The following WDR72 variants were observed in gnomAD, a reference collection of about 807,000 sequenced individuals.
The protein encoded by WDR72 is WD repeat-containing protein 72.
In WDR72, 120 loss-of-function variants were observed where a neutral mutation model predicts 124.2. The observed-to-expected ratio is 0.97, with a 90% CI of 0.83 to 1.12. The LOEUF is 1.12. WDR72 is among the 50% of genes most tolerant of loss of function. The pLI is 0.00. For synonymous variants in WDR72, 452 were observed against 441.7 expected (o/e 1.02, Z -0.29); for missense variants, 1,387 against 1,278.8 (o/e 1.08, Z -1.29).
chr15:53,532,186 C>T (rs557177286), intron 18 of WDR72, among the ~76,000 whole-genome samples: 3 of 152,074 alleles, frequency 2.0e-5, no homozygotes, highest in African/African-American at 7.2e-5. Context: ...CCTCATACAC[C>T]GCTGGTGGGA....
chr15:53,703,620 A>G (rs528750841), intron 11 of WDR72, among the ~76,000 whole-genome samples: 2 of 152,158 alleles, frequency 1.3e-5, no homozygotes, highest in African/African-American at 4.8e-5. Flanking sequence ...CTTGGTAGGC[A>G]TATGGGCATT....
At position 53,558,436 on chromosome 15, in the gene WDR72, T is replaced by C. The variant is rs1894006822; in HGVS notation, c.3149-35114A>G. On this transcript the variant is annotated intron_variant, in intron 18 of 19. Transcript: ENST00000360509. ...AATTCTGAAAAATGTGCTCTAAAGT[T>C]AATACTATGTATCACATTAGACAAT... is the stretch of plus-strand genomic sequence containing the variant. Among the ~76,000 whole-genome samples the C allele has an allele frequency of 2.6e-5, 4 of 152,146 alleles. 1 individual carries two copies. In the South Asian group the frequency reaches 8.3e-4, roughly 31 times the overall value.
intron 18 of WDR72, among the ~76,000 whole-genome samples, chr15:53,582,580 C>T (rs1220524383): frequency 4.6e-5 from 7 of 151,454 alleles, no homozygotes; most frequent in Non-Finnish European, 7.4e-5. Flanking sequence ...AATACCTGAC[C>T]GCTAATTTAA....
intron 1 of WDR72, among the ~76,000 whole-genome samples, chr15:53,750,252 ATCAT>A (rs1466921746): frequency 6.6e-6 from 1 of 152,168 alleles, no homozygotes; most frequent in African/African-American, 2.4e-5. Context: ...ATGCTCATTT[ATCAT>A]TCTAACAATT....
Position 53,759,662 on chromosome 15 carries a change from G to GT in WDR72, c.-43_-42insA, listed in dbSNP as rs2019017327. 7 of 152,350 alleles carry GT rather than the reference G, an allele frequency of 4.6e-5. No individual in the cohort carries two copies. The highest frequency in any genetic ancestry group is 4.6e-4 in the Admixed American group (7 of 15,282). 9.4% of individuals were successfully genotyped at this position (152,350 alleles called of 1,614,324 possible). A position where few individuals can be genotyped will look rare whatever the true frequency, so the allele number is the denominator to read the frequency against. On this transcript the variant is annotated 5_prime_UTR_variant, in exon 1 of 20. Coordinates refer to ENST00000360509, the MANE Select transcript of WDR72 (RefSeq NM_182758.4). Reference sequence around the variant, plus strand: ...GCCGTGGGGCGGAGGAGCGGCAGAGGCCAGGCAGGCTGGCGGGTCTCGCCC... The same window carrying GT: ...GCCGTGGGGCGGAGGAGCGGCAGAGGTCCAGGCAGGCTGGCGGGTCTCGCCC...
chr15:53,722,809 C>T lies in WDR72; in HGVS notation c.253G>A (p.Glu85Lys). The change falls in exon 3 of 20, where the codon GAA (glutamate) becomes AAA (lysine). Residue 85 changes from glutamate (E) to lysine (K), a missense_variant. Glu to Lys is a moderately conservative substitution (Grantham distance 56). Transcript: ENST00000360509. ...TTTACATACCATACCTACCCATTTT[C>T]AGCAGCACTAACAATGTAGGGCTGT... ...SKQPYIVSAAENGEMCVWNVT... is the reference protein window; with the variant it reads ...SKQPYIVSAAKNGEMCVWNVT... The T allele has an allele frequency of 1.2e-6, 2 of 1,613,268 alleles. No individual in the cohort carries two copies. Among genetic ancestry groups the T allele is most frequent in the Non-Finnish European group, 1.7e-6 (2 of 1,179,858 alleles).
intron 18 of WDR72, among the ~76,000 whole-genome samples, chr15:53,583,903 G>C (rs1036879778): frequency 6.6e-6 from 1 of 151,838 alleles, no homozygotes; most frequent in Non-Finnish European, 1.5e-5. Flanking sequence ...ATAAACACAA[G>C]GAAAAGCACA....
chr15:53,626,318 A>G (rs957106515), intron 14 of WDR72, among the ~76,000 whole-genome samples: 27 of 152,236 alleles, frequency 1.8e-4, no homozygotes, highest in African/African-American at 6.0e-4. Flanking sequence ...CAGCTCAATT[A>G]GGATGAACCA....
intron 1 of WDR72, among the ~76,000 whole-genome samples, chr15:53,742,948 A>G (rs1054111256): frequency 6.6e-6 from 1 of 152,204 alleles, no homozygotes; most frequent in South Asian, 2.1e-4. Flanking sequence ...CCAAACATAC[A>G]GACATAAAAC....
Position 53,714,739 on chromosome 15 carries a change from C to T in WDR72, c.515-229G>A, listed in dbSNP as rs191134596. Among the ~76,000 whole-genome samples, 940 of 152,260 alleles carry T rather than the reference C, an allele frequency of 6.2e-3. 17 individuals are homozygous for T. Among genetic ancestry groups the T allele is most frequent in the Non-Finnish European group, 6.2e-3 (421 of 68,018 alleles). On this transcript the variant is annotated intron_variant, in intron 5 of 19. Coordinates refer to ENST00000360509, the MANE Select transcript of WDR72 (RefSeq NM_182758.4). ...AAGAAGAGCACCACTAGAAGCAGAA[C>T]CACATTGCAAATCATCATAAAATGA...
intron 18 of WDR72, among the ~76,000 whole-genome samples, chr15:53,532,221 G>A (rs948318488): frequency 6.6e-6 from 1 of 152,062 alleles, no homozygotes; most frequent in African/African-American, 2.4e-5. Context: ...AGCTACCATG[G>A]AGAACAGTAT....
chr15:53,567,725 A>C (rs1362504997), intron 18 of WDR72, among the ~76,000 whole-genome samples: 1 of 151,988 alleles, frequency 6.6e-6, no homozygotes, highest in African/African-American at 2.4e-5. Context: ...TTATAGGAAC[A>C]AAAGCCTTGA....
Position 53,632,704 on chromosome 15 carries a change from A to C in WDR72, c.1963-16461T>G, listed in dbSNP as rs542224216. Among the ~76,000 whole-genome samples, 77 of 152,322 alleles carry C rather than the reference A, an allele frequency of 5.1e-4. No individual in the cohort carries two copies. In the Middle Eastern group the frequency reaches 0.017, roughly 34 times the overall value. On this transcript the variant is annotated intron_variant, in intron 14 of 19. Transcript: ENST00000360509. ...AAGCGGCCCATGGTCTTCAGAGCCC[A>C]CCCCTTGCACCGGTGTGCCCTGGAT...
chr15:53,611,485 A>C (rs2013536255), intron 16 of WDR72, among the ~76,000 whole-genome samples: 1 of 152,098 alleles, frequency 6.6e-6, no homozygotes, highest in Admixed American at 6.6e-5. Flanking sequence ...GAGTGCTAAA[A>C]AACAAACAAA....
At chr15:53,714,032 G>A (rs936688252) in intron 6 of WDR72, among the ~76,000 whole-genome samples, 1 of 152,110 alleles carries the variant, frequency 6.6e-6, no homozygotes, top group African/African-American at 2.4e-5. Flanking sequence ...GTGAATAGAT[G>A]AATATACTGG....
intron 18 of WDR72, among the ~76,000 whole-genome samples, chr15:53,525,225 T>C (rs1283455487): frequency 1.3e-5 from 2 of 152,116 alleles, no homozygotes; most frequent in Admixed American, 6.6e-5. Context: ...TCATTCAGAA[T>C]ACTATTATGT....
chr15:53,528,489 T>G (rs1036074034), intron 18 of WDR72, among the ~76,000 whole-genome samples: 8 of 152,116 alleles, frequency 5.3e-5, no homozygotes, highest in African/African-American at 1.9e-4. Flanking sequence ...TTTTGCCATC[T>G]TCCTGCAGTT....
chr15:53,680,277 G>A (rs557763037), intron 13 of WDR72, among the ~76,000 whole-genome samples: 3 of 152,226 alleles, frequency 2.0e-5, no homozygotes, highest in East Asian at 1.9e-4. Context: ...CAAGCTTGGC[G>A]GATTGTTTTA....
chr15:53,639,536 A>ATATAATTTTATTTATTTATAAAATTT (rs1566998270), intron 14 of WDR72, among the ~76,000 whole-genome samples: 19 of 146,578 alleles, frequency 1.3e-4, no homozygotes, highest in South Asian at 8.4e-4. Context: ...TTATAAAATT[A>ATATAATTTTATTTATTTATAAAATTT]TATATAATTT....
Sources: gnomAD v4.1 joint callset for allele counts (sites outside exome capture counted in the v4.1 genomes callset) on GRCh38, gnomAD v4.1.1 for gene constraint, MANE v1.5 for transcripts, NCBI Gene and HGNC (gene_info 2026-07-23, HGNC 2026-07-21) for gene names.